SLC44A1: variants seen among roughly 807,000 people sequenced by gnomAD.
SLC44A1 encodes choline transporter-like protein 1.
Under a neutral mutation model 79.3 loss-of-function variants are expected in SLC44A1, and 26 were observed. The observed-to-expected ratio is 0.33, with a 90% CI of 0.24 to 0.46. The LOEUF (loss-of-function observed/expected upper bound fraction) is 0.46, where lower values mean the gene tolerates loss of function less well. Ranked by LOEUF, SLC44A1 falls within the 20% of genes least tolerant of loss-of-function variation. The pLI, the probability that SLC44A1 is intolerant of heterozygous loss-of-function variation, is 1.00. For synonymous variants in SLC44A1, 263 were observed against 286.2 expected (o/e 0.92, Z 0.82); for missense variants, 688 against 798.1 (o/e 0.86, Z 1.66).
intron 15 of SLC44A1, among the ~76,000 whole-genome samples, chr9:105,428,178 T>G (rs1829347060): frequency 6.6e-6 from 1 of 152,130 alleles, no homozygotes; most frequent in Non-Finnish European, 1.5e-5. Context: ...ATCAGTAAAT[T>G]TATTGATAAT....
chr9:105,412,688 G>A (rs1829112216), intron 15 of SLC44A1, among the ~76,000 whole-genome samples: 1 of 151,828 alleles, frequency 6.6e-6, no homozygotes, highest in Admixed American at 6.6e-5. Context: ...TGCAACCTCC[G>A]CCCCCTGGGT....
chr9:105,374,094 A>G lies in SLC44A1; in HGVS notation c.1495-504A>G, dbSNP rs1828201519. On this transcript the variant is annotated intron_variant, in intron 12 of 15. Transcript: ENST00000374720. The stretch of plus-strand genomic sequence containing the variant: ...TAGTGGTATAAAATGCCAGCCATCA[A>G]AGAGCTATGTACTACAAGAGCTGTG... 2.6e-5 allele frequency among the ~76,000 whole-genome samples: 4 copies of G among 152,210 alleles called. No individual in the cohort carries two copies. In the South Asian group the frequency reaches 8.3e-4, roughly 32 times the overall value.
rs1474433280 is a variant in SLC44A1, at chr9:105,394,991, A to G, written c.*5935A>G. On this transcript the variant is annotated 3_prime_UTR_variant, in exon 16 of 16. Transcript: ENST00000374720. ...TATTAGGTAAGGGTGCTGCATCTAC[A>G]TGGAAGGCTCCCTGGGCCCTTGAAA... 3.0e-6 allele frequency: 3 copies of G among 985,302 alleles called. No homozygotes were observed. The highest frequency in any genetic ancestry group is 6.1e-5 in the Admixed American group (1 of 16,264). The allele number at this position is 985,302 out of a possible 1,614,324, so 61.0% of individuals were successfully genotyped here.
chr9:105,388,374 T>C (rs1828683724), intron 15 of SLC44A1, among the ~76,000 whole-genome samples: 1 of 152,210 alleles, frequency 6.6e-6, no homozygotes, highest in African/African-American at 2.4e-5. Flanking sequence ...ATAATTCACA[T>C]ATTGTTGCTG....
At chr9:105,328,752 CTT>C (rs1272866329) in intron 3 of SLC44A1, among the ~76,000 whole-genome samples, 5 of 152,188 alleles carry the variant, frequency 3.3e-5, no homozygotes, top group African/African-American at 1.2e-4. Flanking sequence ...TCAATTGTCT[CTT>C]TGGGGGTTGG....
At chr9:105,280,229 G>T (rs528010677) in intron 1 of SLC44A1, among the ~76,000 whole-genome samples, 1 of 152,300 alleles carries the variant, frequency 6.6e-6, no homozygotes, top group South Asian at 2.1e-4. Flanking sequence ...ACACTGTGTT[G>T]CAGTTTAGCA....
intron 1 of SLC44A1, among the ~76,000 whole-genome samples, chr9:105,248,166 A>G (rs1002342842): frequency 5.3e-5 from 8 of 152,218 alleles, no homozygotes; most frequent in African/African-American, 1.7e-4. Flanking sequence ...ATCTTCAGCA[A>G]CTTTAAAGCT....
intron 1 of SLC44A1, among the ~76,000 whole-genome samples, chr9:105,278,910 T>C (rs1830280261): frequency 6.6e-6 from 1 of 152,094 alleles, no homozygotes; most frequent in South Asian, 2.1e-4. Flanking sequence ...CTGAGAAAAA[T>C]TGCATGTGAG....
chr9:105,310,722 T>G (rs973121594), intron 3 of SLC44A1, among the ~76,000 whole-genome samples: 17 of 152,200 alleles, frequency 1.1e-4, no homozygotes, highest in Admixed American at 9.8e-4. Flanking sequence ...TATTTATTAT[T>G]ATATAAATCT....
chr9:105,271,363 T>C (rs1830072154), intron 1 of SLC44A1, among the ~76,000 whole-genome samples: 1 of 152,216 alleles, frequency 6.6e-6, no homozygotes, highest in Admixed American at 6.5e-5. Flanking sequence ...TGTTCCCTTG[T>C]ATCTTTTTTT....
intron 1 of SLC44A1, among the ~76,000 whole-genome samples, chr9:105,274,886 T>A (rs1481380425): frequency 6.6e-6 from 1 of 152,224 alleles, no homozygotes; most frequent in East Asian, 1.9e-4. Flanking sequence ...CTCTTAGTTA[T>A]CTCATCCATT....
chr9:105,397,969 AAAG>A (rs1165784823), downstream of SLC44A1, among the ~76,000 whole-genome samples: 1 of 151,930 alleles, frequency 6.6e-6, no homozygotes, highest in African/African-American at 2.4e-5. Flanking sequence ...AAAAAGAAAA[AAAG>A]AAAAGAAAAG....
intron 8 of SLC44A1, among the ~76,000 whole-genome samples, chr9:105,362,510 A>G (rs914908020): frequency 1.3e-5 from 2 of 152,124 alleles, no homozygotes; most frequent in Admixed American, 6.5e-5. Context: ...TTAAATAAAT[A>G]AAGAGTCTCA....
intron 15 of SLC44A1, among the ~76,000 whole-genome samples, chr9:105,411,941 A>G (rs1829100680): frequency 6.6e-6 from 1 of 152,170 alleles, no homozygotes; most frequent in African/African-American, 2.4e-5. Flanking sequence ...ATTAATAAGT[A>G]TCTTGTGGAG....
chr9:105,381,311 G>A (rs559851649), intron 13 of SLC44A1, among the ~76,000 whole-genome samples: 111 of 152,062 alleles, frequency 7.3e-4, no homozygotes, highest in African/African-American at 2.6e-3. Context: ...AGGCCCTGGC[G>A]GGCGGATCAC....
In SLC44A1 at chr9:105,392,716, C is replaced by T; in HGVS notation, c.*3660C>T. On this transcript the variant is annotated 3_prime_UTR_variant, in exon 16 of 16. Coordinates refer to ENST00000374720, the MANE Select transcript of SLC44A1 (RefSeq NM_080546.5). ...TTCCACCATGCACTATTACTAGCTACTAACAGCCATTTTAAGAGATCTCCT... is the reference window on the plus strand; with the variant it reads ...TTCCACCATGCACTATTACTAGCTATTAACAGCCATTTTAAGAGATCTCCT... 2 of 985,418 alleles carry T rather than the reference C, an allele frequency of 2.0e-6. No homozygotes were observed. The highest frequency in any genetic ancestry group is 2.4e-6 in the Non-Finnish European group (2 of 829,928). 61.0% of individuals were successfully genotyped at this position (985,418 alleles called of 1,614,324 possible).
rs368059441 is a variant in SLC44A1 at position 105,412,406 on chromosome 9, C to T, written c.1951-25875C>T. 1.4e-4 allele frequency among the ~76,000 whole-genome samples: 22 copies of T among 152,286 alleles called. No individual in the cohort carries two copies. In the South Asian group the frequency reaches 3.1e-3, roughly 22 times the overall value. ...CTTTGAGTACTTCCTTATTCACTGA[C>T]GCAACCAGATGTTCCAAGCTCATCT... is the stretch of plus-strand genomic sequence containing the variant. On this transcript the variant is annotated intron_variant, in intron 15 of 15. Transcript: ENST00000374724.
At chr9:105,267,658 G>A (rs926499215) in intron 1 of SLC44A1, among the ~76,000 whole-genome samples, 9 of 151,994 alleles carry the variant, frequency 5.9e-5, no homozygotes, top group Non-Finnish European at 1.2e-4. Flanking sequence ...CTCTGTGTGT[G>A]TTTTAATTTC....
chr9:105,313,209 CTTTAA>C (rs1239639031), intron 3 of SLC44A1, among the ~76,000 whole-genome samples: 2 of 152,180 alleles, frequency 1.3e-5, no homozygotes, highest in Non-Finnish European at 1.5e-5. Flanking sequence ...GTGAGCTTTC[CTTTAA>C]TTTGATTACC....
Sources: gnomAD v4.1 joint callset for allele counts (sites outside exome capture counted in the v4.1 genomes callset) on GRCh38, gnomAD v4.1.1 for gene constraint, MANE v1.5 for transcripts, NCBI Gene and HGNC (gene_info 2026-07-23, HGNC 2026-07-21) for gene names.